KAZN: variants seen among roughly 807,000 people sequenced by gnomAD.
The protein encoded by KAZN is kazrin.
KAZN carries 40 observed loss-of-function variants against 87.4 expected under a neutral mutation model. The observed-to-expected ratio is 0.46, with a 90% confidence interval of 0.36 to 0.60. KAZN has a LOEUF of 0.60. KAZN is among the 20% of genes least tolerant of loss of function. The pLI, the probability that KAZN is intolerant of heterozygous loss-of-function variation, is 0.00. For synonymous variants in KAZN, 466 were observed against 458.3 expected (o/e 1.02, Z -0.22); for missense variants, 898 against 1,073.9 (o/e 0.84, Z 2.29).
At chr1:14,331,695 C>T (rs114491760) in intron 2 of KAZN, among the ~76,000 whole-genome samples, 216 of 152,176 alleles carry the variant, frequency 1.4e-3, no homozygotes, top group African/African-American at 4.5e-3. Flanking sequence ...GTCTATCACC[C>T]GAACAACAAA....
intron 1 of KAZN, among the ~76,000 whole-genome samples, chr1:14,118,017 G>C (rs762344000): frequency 2.0e-5 from 3 of 152,182 alleles, no homozygotes; most frequent in Non-Finnish European, 2.9e-5. Flanking sequence ...GCTGCCTCTG[G>C]AACCTAATCC....
intron 1 of KAZN, among the ~76,000 whole-genome samples, chr1:14,934,146 C>T (rs765105888): frequency 6.6e-6 from 1 of 151,664 alleles, no homozygotes; most frequent in East Asian, 1.9e-4. Context: ...TGAGCCACCA[C>T]GCCCAGCCAG....
chr1:13,962,126 C>T (rs913258005), intron 1 of KAZN, among the ~76,000 whole-genome samples: 9 of 152,130 alleles, frequency 5.9e-5, no homozygotes, highest in African/African-American at 2.2e-4. Context: ...GAAGTGGATG[C>T]AGGGAGGTGA....
At chr1:14,573,517 C>G (rs1243518818) in intron 2 of KAZN, among the ~76,000 whole-genome samples, 1 of 152,024 alleles carries the variant, frequency 6.6e-6, no homozygotes, top group Non-Finnish European at 1.5e-5. Context: ...GATGGTGGTG[C>G]ACACCTGTAA....
intron 2 of KAZN, among the ~76,000 whole-genome samples, chr1:14,372,350 T>A (rs1660558204): frequency 6.6e-6 from 1 of 152,218 alleles, no homozygotes; most frequent in African/African-American, 2.4e-5. Flanking sequence ...TTTGAGTCAT[T>A]GGAAGTTGGT....
At chr1:14,606,635 G>A (rs972143321) in intron 1 of KAZN, among the ~76,000 whole-genome samples, 1 of 151,952 alleles carries the variant, frequency 6.6e-6, no homozygotes, top group African/African-American at 2.4e-5. Context: ...CTCTCTCTGT[G>A]GCCTCAGTAG....
At chr1:14,581,381 C>T (rs760703421) in intron 2 of KAZN, among the ~76,000 whole-genome samples, 3 of 152,192 alleles carry the variant, frequency 2.0e-5, no homozygotes, top group Admixed American at 6.5e-5. Flanking sequence ...ACCTTCAATA[C>T]TGATCTAGAA....
chr1:14,435,520 G>A (rs548944985), intron 2 of KAZN, among the ~76,000 whole-genome samples: 1 of 152,322 alleles, frequency 6.6e-6, no homozygotes, highest in African/African-American at 2.4e-5. Context: ...CCGCAGGGAT[G>A]TCCTGCTCCT....
At chr1:14,014,980 T>G (rs938033886) in intron 1 of KAZN, among the ~76,000 whole-genome samples, 4 of 152,176 alleles carry the variant, frequency 2.6e-5, no homozygotes, top group African/African-American at 9.6e-5. Context: ...TATGATGAGA[T>G]CTCTTTTTCT....
intron 1 of KAZN, among the ~76,000 whole-genome samples, chr1:14,103,262 C>T (rs79132136): frequency 0.034 from 5,200 of 152,174 alleles, 284 homozygotes; most frequent in African/African-American, 0.12. Flanking sequence ...TATTGGGGCC[C>T]ACCCTAGTGA....
intron 2 of KAZN, among the ~76,000 whole-genome samples, chr1:14,494,430 C>A (rs1404198506): frequency 2.6e-5 from 4 of 152,088 alleles, no homozygotes; most frequent in African/African-American, 9.7e-5. Context: ...GTCCCTCCAC[C>A]CCCATCTTTG....
chr1:14,837,617 A>G (rs1460300113), intron 1 of KAZN, among the ~76,000 whole-genome samples: 2 of 149,988 alleles, frequency 1.3e-5, no homozygotes, highest in Non-Finnish European at 3.0e-5. Context: ...CAATAGCGCA[A>G]TCATAGCTCA....
intron 1 of KAZN, among the ~76,000 whole-genome samples, chr1:14,125,822 A>T (rs927318054): frequency 3.3e-5 from 5 of 151,880 alleles, no homozygotes; most frequent in Non-Finnish European, 7.4e-5. Context: ...AGGAACCATT[A>T]CCCTCGGGCA....
intron 1 of KAZN, among the ~76,000 whole-genome samples, chr1:13,941,261 T>C (rs890399574): frequency 2.6e-5 from 4 of 152,262 alleles, no homozygotes; most frequent in Non-Finnish European, 5.9e-5. Context: ...AATCAATGAC[T>C]ACTACATAGG....
intron 2 of KAZN, among the ~76,000 whole-genome samples, chr1:14,973,893 C>T (rs1469740192): frequency 6.6e-6 from 1 of 151,868 alleles, no homozygotes; most frequent in Non-Finnish European, 1.5e-5. Context: ...ATCTTAGTGG[C>T]ATAAAGCAAC....
intron 2 of KAZN, chr1:14,391,613 A>G (rs962970874): frequency 6.6e-6 from 1 of 152,248 alleles, no homozygotes; most frequent in African/African-American, 2.4e-5. Flanking sequence ...ATTAGAAAGG[A>G]AACATTCCCA....
chr1:14,172,038 T>C (rs1028161077), intron 1 of KAZN, among the ~76,000 whole-genome samples: 1 of 152,188 alleles, frequency 6.6e-6, no homozygotes, highest in Non-Finnish European at 1.5e-5. Context: ...TACAGTGAAA[T>C]TGAAATGAGC....
chr1:14,014,864 G>T (rs1395238338), intron 1 of KAZN, among the ~76,000 whole-genome samples: 4 of 152,282 alleles, frequency 2.6e-5, no homozygotes, highest in African/African-American at 9.6e-5. Context: ...TTGCACTAGA[G>T]CCAAGGCCAA....
intron 1 of KAZN, among the ~76,000 whole-genome samples, chr1:13,995,541 CAG>C (rs1400623522): frequency 6.6e-6 from 1 of 152,112 alleles, no homozygotes; most frequent in Non-Finnish European, 1.5e-5. Flanking sequence ...AGAAAATAAA[CAG>C]AAACATCTTG....
Sources: gnomAD v4.1 joint callset for allele counts (sites outside exome capture counted in the v4.1 genomes callset) on GRCh38, gnomAD v4.1.1 for gene constraint, MANE v1.5 for transcripts, NCBI Gene and HGNC (gene_info 2026-07-23, HGNC 2026-07-21) for gene names.